PSMG1: variants seen among roughly 807,000 people sequenced by gnomAD.
PSMG1 encodes proteasome assembly chaperone 1, also known as Down syndrome critical region gene 2.
In PSMG1, 23 loss-of-function variants were observed where a neutral mutation model predicts 37.2. That is an observed-to-expected ratio of 0.62 (90% CI 0.44 to 0.88). The LOEUF is 0.88. Among genes scored for constraint, PSMG1 ranks in the 40% least tolerant of loss-of-function variants. PSMG1 has a pLI of 0.00. For missense variants in PSMG1, 340 were observed against 344.2 expected, an observed-to-expected ratio of 0.99 and a Z score of 0.10; for synonymous variants, 127 against 128.0, an observed-to-expected ratio of 0.99 and a Z score of 0.05.
At chr21:39,180,110 A>G (rs1300547814) in intron 3 of PSMG1, 124 bp from the exon 4 acceptor site, 1 of 1,236,898 alleles carries the variant, frequency 8.1e-7, no homozygotes, top group East Asian at 2.5e-5. Context: ...TCCACTATTG[A>G]CCTACTTATT....
intron 4 of PSMG1, among the ~76,000 whole-genome samples, chr21:39,179,333 G>C (rs1034294130): frequency 1.3e-5 from 2 of 152,144 alleles, no homozygotes; most frequent in African/African-American, 4.8e-5. Context: ...CTGCGATGTG[G>C]AGTAAATGAA....
At chr21:39,178,884 T>C (rs1329713382) in intron 4 of PSMG1, 5 of 508,742 alleles carry the variant, frequency 9.8e-6, no homozygotes, top group South Asian at 4.5e-5. Flanking sequence ...TAAGGTGATA[T>C]AGTTTAGATG....
chr21:39,178,687 T>C lies in PSMG1; in HGVS notation c.457-40A>G, dbSNP rs8126582. ...ATTTCAAATTAAAAAAAACATATAA[T>C]TTTGTTACAGAATGGAAACATTCCT... On this transcript the variant is annotated intron_variant, in intron 4 of 6. Coordinates refer to ENST00000331573, the MANE Select transcript of PSMG1 (RefSeq NM_003720.4). 8.4e-4 allele frequency: 1,307 copies of C among 1,547,554 alleles called. 14 individuals are homozygous for C. In the African/African-American group the frequency reaches 0.017, roughly 20 times the overall value.
chr21:39,178,782 A>G (rs1185579769), intron 4 of PSMG1, 135 bp from the exon 5 acceptor site: 1 of 832,894 alleles, frequency 1.2e-6, no homozygotes, highest in Non-Finnish European at 1.8e-6. Context: ...CCTTGGAGAA[A>G]CAGAACACAC....
At chr21:39,181,070 G>A (rs527504473) in intron 2 of PSMG1, among the ~76,000 whole-genome samples, 20 of 152,150 alleles carry the variant, frequency 1.3e-4, no homozygotes, top group African/African-American at 2.9e-4. Flanking sequence ...ACATAAACCC[G>A]GATACCTCAA....
In PSMG1 at chr21:39,183,373, A is replaced by C. The variant is rs762712818; in HGVS notation, c.13T>G (p.Phe5Val). 6.3e-7 allele frequency: 1 copy of C among 1,575,116 alleles called. No individual in the cohort carries two copies. The change falls in exon 1 of 7, where the codon TTC becomes GTC. Residue 5 changes from phenylalanine to valine, a missense_variant. By Grantham distance (50) the Phe-to-Val change is conservative. Coordinates refer to ENST00000331573, the MANE Select transcript of PSMG1 (RefSeq NM_003720.4). MAAT[F>V]FGEVVKAPCR... ...GGCGCCTTCACCACCTCTCCGAAGA[A>C]CGTGGCCGCCATAGCCGCCCCGTGA...
intron 1 of PSMG1, 51 bp downstream of exon 1, chr21:39,183,201 C>A (rs1162511355): frequency 1.3e-6 from 2 of 1,499,536 alleles, no homozygotes; most frequent in African/African-American, 2.9e-5. Context: ...CTGCCAGGCC[C>A]GCGCACCTTC....
At chr21:39,178,694 A>C in intron 4 of PSMG1, 47 bp from the exon 5 acceptor site, 1 of 1,523,900 alleles carries the variant, frequency 6.6e-7, no homozygotes, top group Non-Finnish European at 8.9e-7. Context: ...TAATTTTGTT[A>C]CAGAATGGAA....
chr21:39,175,505 C>A lies in PSMG1; in HGVS notation c.*85G>T. 1.4e-6 allele frequency: 2 copies of A among 1,419,326 alleles called. No homozygotes were observed. The highest frequency in any genetic ancestry group is 1.9e-6 in the Non-Finnish European group (2 of 1,080,376). The allele number at this position is 1,419,326 out of a possible 1,614,324, so 87.9% of individuals were successfully genotyped here. On this transcript the variant is annotated 3_prime_UTR_variant, in exon 7 of 7. Transcript: ENST00000331573. ...CGTTTCATCATTCTCAAAATATATC[C>A]CCCAAAAGTAATCTACAAAAGAGTG...
chr21:39,176,468 C>T (rs941591167), intron 6 of PSMG1, among the ~76,000 whole-genome samples: 1 of 152,184 alleles, frequency 6.6e-6, no homozygotes, highest in Non-Finnish European at 1.5e-5. Flanking sequence ...ACAAACAAGA[C>T]GATCAGCATA....
intron 3 of PSMG1, 66 bp from the exon 4 acceptor site, chr21:39,180,052 T>C (rs902344590): frequency 2.7e-6 from 4 of 1,488,730 alleles, no homozygotes; most frequent in African/African-American, 1.4e-5. Context: ...TATCACCATA[T>C]ATGTAACATG....
chr21:39,175,499 T>C lies in PSMG1; in HGVS notation c.*91A>G, dbSNP rs561959331. 2.4e-5 allele frequency: 34 copies of C among 1,406,678 alleles called. No individual in the cohort carries two copies. Among genetic ancestry groups the C allele is most frequent in the Non-Finnish European group, 2.8e-5 (30 of 1,074,064 alleles). The allele number at this position is 1,406,678 out of a possible 1,614,324, so 87.1% of individuals were successfully genotyped here. A position where few individuals can be genotyped will look rare whatever the true frequency, so the allele number is the denominator to read the frequency against. On this transcript the variant is annotated 3_prime_UTR_variant, in exon 7 of 7. Transcript: ENST00000331573. ...TTATTCCGTTTCATCATTCTCAAAATATATCCCCCAAAAGTAATCTACAAA... is the reference window on the plus strand; with the variant it reads ...TTATTCCGTTTCATCATTCTCAAAACATATCCCCCAAAAGTAATCTACAAA...
Position 39,180,316 on chromosome 21 carries a change from C to A in PSMG1, c.362G>T (p.Cys121Phe). The A allele has an allele frequency of 6.2e-7, 1 of 1,608,294 alleles. No homozygotes were observed. The highest frequency in any genetic ancestry group is 8.5e-7 in the Non-Finnish European group (1 of 1,177,726). The change falls in exon 3 of 7, where the codon TGT becomes TTT. Residue 121 changes from cysteine to phenylalanine, a missense_variant. Cys to Phe is a radical substitution (Grantham distance 205, BLOSUM62 -2). Transcript: ENST00000331573. ...TTHLSSTEAF[C>F]VFYHLKSNPS... ...ATTGGATTTTAGATGATAAAACACA[C>A]AAAAAGCCTCTGTGGAGGACAGATG...
chr21:39,180,470 G>C, intron 2 of PSMG1, 34 bp from the exon 3 acceptor site: 1 of 1,529,516 alleles, frequency 6.5e-7, no homozygotes, highest in East Asian at 2.3e-5. Context: ...TTAGTGTTTG[G>C]CTCTGCAAGC....
rs186089929 is a variant in PSMG1, at chr21:39,180,131, A to G, written c.394-145T>C. 1.8e-4 allele frequency: 226 copies of G among 1,246,910 alleles called. 1 individual carries two copies. The African/African-American group carries it at 2.7e-3, about 15-fold the overall frequency. The allele number at this position is 1,246,910 out of a possible 1,614,324, so 77.2% of individuals were successfully genotyped here. A position where few individuals can be genotyped will look rare whatever the true frequency, so the allele number is the denominator to read the frequency against. The stretch of plus-strand genomic sequence containing the variant: ...ATTGACCTACTTATTTCTCTTTAAA[A>G]TTTAACAGTCAAACCACTACTGGTG... On this transcript the variant is annotated intron_variant, in intron 3 of 6. Coordinates refer to ENST00000331573, the MANE Select transcript of PSMG1 (RefSeq NM_003720.4).
At chr21:39,180,022 G>A in intron 3 of PSMG1, 36 bp from the exon 4 acceptor site, 1 of 1,420,850 alleles carries the variant, frequency 7.0e-7, no homozygotes, top group African/African-American at 1.4e-5. Flanking sequence ...TGTCAAGTAA[G>A]TTTTATACAC....
intron 6 of PSMG1, among the ~76,000 whole-genome samples, chr21:39,176,132 G>C (rs1305857576): frequency 1.3e-5 from 2 of 152,174 alleles, no homozygotes. Flanking sequence ...TAAAAGGTCA[G>C]AAACAACGAA....
chr21:39,175,942 T>C (rs1267239986), intron 6 of PSMG1, among the ~76,000 whole-genome samples: 1 of 152,036 alleles, frequency 6.6e-6, no homozygotes, highest in East Asian at 1.9e-4. Flanking sequence ...CCCCACAAGA[T>C]GTCTTCCTCC....
At chr21:39,180,962 G>A (rs951719273) in intron 2 of PSMG1, among the ~76,000 whole-genome samples, 5 of 152,040 alleles carry the variant, frequency 3.3e-5, no homozygotes, top group Admixed American at 6.5e-5. Context: ...ATTAATACAT[G>A]CAAGGACCTT....
Sources: gnomAD v4.1 joint callset for allele counts (sites outside exome capture counted in the v4.1 genomes callset) on GRCh38, gnomAD v4.1.1 for gene constraint, MANE v1.5 for transcripts, NCBI Gene and HGNC (gene_info 2026-07-23, HGNC 2026-07-21) for gene names.